The following PAPPA variants were observed in gnomAD, a reference collection of about 807,000 sequenced individuals.
PAPPA encodes pappalysin 1, also known as pappalysin-1.
PAPPA carries 60 observed loss-of-function variants against 164.0 expected under a neutral mutation model. That is an observed-to-expected ratio of 0.37 (90% CI 0.30 to 0.45). The LOEUF (loss-of-function observed/expected upper bound fraction) is 0.45. Ranked by LOEUF, PAPPA falls within the 20% of genes least tolerant of loss-of-function variation. PAPPA has a pLI of 1.00. For missense variants in PAPPA, 1,782 were observed against 2,087.3 expected (o/e 0.85, Z 2.85); for synonymous variants, 875 against 814.1 (o/e 1.07, Z -1.27).
intron 4 of PAPPA, among the ~76,000 whole-genome samples, chr9:116,215,721 C>T (rs1465001592): frequency 6.6e-6 from 1 of 152,090 alleles, no homozygotes; most frequent in African/African-American, 2.4e-5. Flanking sequence ...AAGAAATCTG[C>T]ACATGTACTC....
In PAPPA at chr9:116,396,509, G is replaced by T; in HGVS notation, c.4777G>T (p.Val1593Phe). 1.3e-6 allele frequency: 1 copy of T among 780,540 alleles called. No individual in the cohort carries two copies. The highest frequency in any genetic ancestry group is 2.4e-6 in the Non-Finnish European group (1 of 417,876). 48.4% of individuals were successfully genotyped at this position (780,540 alleles called of 1,614,324 possible). A position where few individuals can be genotyped will look rare whatever the true frequency, so the allele number is the denominator to read the frequency against. The change falls in exon 22 of 22, where the codon GTC becomes TTC. Residue 1593 changes from valine (V) to phenylalanine (F), a missense_variant and splice_region_variant. By Grantham distance (50) the Val-to-Phe change is conservative (BLOSUM62 -1). Transcript: ENST00000328252. ...CCTSTVKTKKVTPFPMSCDLQ... is the reference protein window; with the variant it reads ...CCTSTVKTKKFTPFPMSCDLQ... ...CCTGATTCACTTCTTCTTTCTGCAG[G>T]TCACCCCATTCCCTATGTCCTGTGA... is the stretch of plus-strand genomic sequence containing the variant.
At chr9:116,158,678 CT>C (rs1843630632) in intron 1 of PAPPA, among the ~76,000 whole-genome samples, 1 of 152,214 alleles carries the variant, frequency 6.6e-6, no homozygotes, top group South Asian at 2.1e-4. Flanking sequence ...TCAGTCTTGG[CT>C]TTCTGGACTG....
At chr9:116,220,807 C>T (rs568601554) in intron 5 of PAPPA, among the ~76,000 whole-genome samples, 89 of 151,900 alleles carry the variant, frequency 5.9e-4, no homozygotes, top group African/African-American at 2.1e-3. Flanking sequence ...AATGCTTGAG[C>T]CCAGGAGGCG....
intron 1 of PAPPA, among the ~76,000 whole-genome samples, chr9:116,160,736 CCTAA>C (rs764010781): frequency 3.1e-4 from 47 of 152,334 alleles, no homozygotes; most frequent in Non-Finnish European, 6.6e-4. Context: ...CTAAGGTTCT[CCTAA>C]CTTTCTTCTT....
chr9:116,257,983 A>G (rs1461534625), intron 7 of PAPPA, among the ~76,000 whole-genome samples: 1 of 152,032 alleles, frequency 6.6e-6, no homozygotes, highest in African/African-American at 2.4e-5. Flanking sequence ...TAGGACTGAC[A>G]CCTATAAAAT....
At chr9:116,352,394 A>G (rs1332286380) in intron 15 of PAPPA, among the ~76,000 whole-genome samples, 2 of 152,226 alleles carry the variant, frequency 1.3e-5, no homozygotes. Context: ...TTGTAAAGTA[A>G]GAAAAATGGA....
chr9:116,350,643 T>C (rs543515294), intron 15 of PAPPA, among the ~76,000 whole-genome samples: 1 of 152,226 alleles, frequency 6.6e-6, no homozygotes, highest in South Asian at 2.1e-4. Flanking sequence ...TCCACAGATA[T>C]GTTATCTCTC....
At position 116,154,267 on chromosome 9, in the gene PAPPA, C is replaced by G. The variant is rs1843570739; in HGVS notation, c.95C>G (p.Pro32Arg). 2 of 1,102,764 alleles carry G rather than the reference C, an allele frequency of 1.8e-6. No individual in the cohort carries two copies. The allele number at this position is 1,102,764 out of a possible 1,614,324, so 68.3% of individuals were successfully genotyped here. Reference protein sequence around the residue: ...AERPRRARRDPRAGRPPRPAA... With the variant: ...AERPRRARRDRRAGRPPRPAA... Reference sequence around the variant, plus strand: ...CGTCCCCGCCGGGCCCGGAGAGACCCGCGGGCCGGCCGACCCCCGCGCCCC... The same window carrying G: ...CGTCCCCGCCGGGCCCGGAGAGACCGGCGGGCCGGCCGACCCCCGCGCCCC... Residue 32 changes from proline (P) to arginine (R), a missense_variant, in exon 1 of 22, where the codon CCG (proline) becomes CGG (arginine). Physicochemically the swap from Pro to Arg is moderately radical, Grantham distance 103. Transcript: ENST00000328252. This position sits in a 1 kb window ranked among gnomAD's most constrained non-coding sequence, Gnocchi z 5.2.
At chr9:116,328,208 A>G (rs78016799) in intron 10 of PAPPA, among the ~76,000 whole-genome samples, 1,951 of 152,284 alleles carry the variant, frequency 0.013, 42 homozygotes, top group African/African-American at 0.045. Context: ...CACAAGGGGA[A>G]AGAATTCCAA....
At chr9:116,163,510 A>G (rs1843691404) in intron 1 of PAPPA, among the ~76,000 whole-genome samples, 1 of 152,178 alleles carries the variant, frequency 6.6e-6, no homozygotes. Context: ...TCTCAGAACC[A>G]GTTTTCACAT....
chr9:116,239,699 G>T (rs1214755377), intron 7 of PAPPA, among the ~76,000 whole-genome samples: 3 of 152,120 alleles, frequency 2.0e-5, no homozygotes, highest in African/African-American at 4.8e-5. Flanking sequence ...AGCTAGTAAT[G>T]ACATAGACAG....
intron 21 of PAPPA, among the ~76,000 whole-genome samples, chr9:116,393,221 C>T (rs1846917725): frequency 6.6e-6 from 1 of 152,184 alleles, no homozygotes; most frequent in Non-Finnish European, 1.5e-5. Flanking sequence ...TTTCAAGTTC[C>T]TTTCTGGCCA....
intron 13 of PAPPA, among the ~76,000 whole-genome samples, chr9:116,338,855 T>C (rs1846097666): frequency 6.6e-6 from 1 of 152,196 alleles, no homozygotes; most frequent in Admixed American, 6.5e-5. Context: ...CCAAGACAAC[T>C]TTTTCCTATT....
chr9:116,270,678 A>G (rs1190617535), intron 8 of PAPPA, among the ~76,000 whole-genome samples: 1 of 152,142 alleles, frequency 6.6e-6, no homozygotes, highest in African/African-American at 2.4e-5. Flanking sequence ...CCTTTGCAAA[A>G]TCATCCTTAG....
chr9:116,258,228 A>G (rs1844955517), intron 7 of PAPPA, among the ~76,000 whole-genome samples: 1 of 152,114 alleles, frequency 6.6e-6, no homozygotes, highest in Admixed American at 6.5e-5. Flanking sequence ...AAAGCTTCAC[A>G]TGGAATTTCA....
chr9:116,194,672 G>A (rs1173860272), intron 2 of PAPPA, among the ~76,000 whole-genome samples: 2 of 152,114 alleles, frequency 1.3e-5, no homozygotes, highest in Admixed American at 6.5e-5. Flanking sequence ...GCATGTCATG[G>A]CACTCAAATG....
chr9:116,281,944 T>A (rs1350433261), intron 9 of PAPPA, among the ~76,000 whole-genome samples: 1 of 152,174 alleles, frequency 6.6e-6, no homozygotes, highest in Non-Finnish European at 1.5e-5. Flanking sequence ...ATGAAATGGC[T>A]TATTCAAAGC....
intron 9 of PAPPA, among the ~76,000 whole-genome samples, chr9:116,296,683 A>T (rs1845512515): frequency 6.6e-6 from 1 of 152,144 alleles, no homozygotes; most frequent in Non-Finnish European, 1.5e-5. Context: ...AACCAGTGGG[A>T]GTTAGCAAAG....
intron 5 of PAPPA, among the ~76,000 whole-genome samples, chr9:116,222,923 T>C (rs2118712432): frequency 6.6e-6 from 1 of 152,364 alleles, no homozygotes; most frequent in East Asian, 1.9e-4. Flanking sequence ...ATTGTAAACA[T>C]ATATCAAAAC....
Sources: gnomAD v4.1 joint callset for allele counts (sites outside exome capture counted in the v4.1 genomes callset) on GRCh38, gnomAD v4.1.1 for gene constraint, Gnocchi (gnomAD v3.1) non-coding constraint, MANE v1.5 for transcripts, NCBI Gene and HGNC (gene_info 2026-07-23, HGNC 2026-07-21) for gene names.